PTPRN2: variants seen among roughly 807,000 people sequenced by gnomAD.
PTPRN2 encodes the protein protein tyrosine phosphatase receptor type N2.
A neutral mutation model predicts 118.8 loss-of-function variants in PTPRN2; 74 were observed. That is an observed-to-expected ratio of 0.62 (90% CI 0.52 to 0.76). The LOEUF (loss-of-function observed/expected upper bound fraction) is 0.76. Among genes scored for constraint, PTPRN2 ranks in the 30% least tolerant of loss-of-function variants. PTPRN2 has a pLI of 0.00. For synonymous variants in PTPRN2, 641 were observed against 608.0 expected (o/e 1.05, Z -0.80); for missense variants, 1,481 against 1,394.4 (o/e 1.06, Z -0.99).
intron 13 of PTPRN2, 94 bp downstream of exon 13, chr7:157,682,631 G>A: frequency 7.9e-7 from 1 of 1,271,046 alleles, no homozygotes; most frequent in South Asian, 1.2e-5. Context: ...AGGAACAACT[G>A]CTGGGAATGG....
rs551528956 is a variant in PTPRN2, at chr7:158,398,583, TG to T, written c.164-81652del. Among the ~76,000 whole-genome samples the T allele has an allele frequency of 1.7e-3, 263 of 152,392 alleles. 1 individual carries two copies. Among genetic ancestry groups the T allele is most frequent in the African/African-American group, 6.1e-3 (255 of 41,594 alleles). On this transcript the variant is annotated intron_variant, in intron 2 of 22. Transcript: ENST00000389418. ...TTTTAGGGTTTATTTTTAAACATCA[TG>T]CTTGCACATAGTTTGAAAAATCTAA...
intron 21 of PTPRN2, among the ~76,000 whole-genome samples, chr7:157,564,173 C>T (rs1457206340): frequency 6.6e-6 from 1 of 152,148 alleles, no homozygotes; most frequent in Non-Finnish European, 1.5e-5. Context: ...TTCTTGTTGC[C>T]CAGGCTGGAG....
chr7:158,216,512 A>G (rs1395524344), intron 3 of PTPRN2, among the ~76,000 whole-genome samples: 1 of 152,140 alleles, frequency 6.6e-6, no homozygotes, highest in African/African-American at 2.4e-5. Context: ...AAGTAAAAAT[A>G]TTTTTAAAAA....
At chr7:158,564,379 G>A (rs1021506698) in intron 1 of PTPRN2, among the ~76,000 whole-genome samples, 1 of 152,250 alleles carries the variant, frequency 6.6e-6, no homozygotes, top group African/African-American at 2.4e-5. Context: ...TACATTTTGT[G>A]ATGGATACAG....
intron 2 of PTPRN2, among the ~76,000 whole-genome samples, chr7:158,341,156 C>G (rs1297040027): frequency 7.0e-6 from 1 of 142,756 alleles, no homozygotes; most frequent in African/African-American, 2.9e-5. Context: ...TAAGAGCTGA[C>G]GCCCGCAGAC....
intron 12 of PTPRN2, among the ~76,000 whole-genome samples, chr7:157,810,588 A>G (rs34676866): frequency 0.33 from 20,476 of 61,402 alleles, 2,994 homozygotes; most frequent in African/African-American, 0.52. Flanking sequence ...CCATGGGGAC[A>G]GGGACGGGGA....
chr7:157,797,803 C>G (rs573784668), intron 12 of PTPRN2, among the ~76,000 whole-genome samples: 11 of 152,310 alleles, frequency 7.2e-5, no homozygotes, highest in African/African-American at 2.6e-4. Context: ...TTCTTTGGAG[C>G]CTGAATCTTT....
rs574587175 is a variant in PTPRN2 at position 158,579,054 on chromosome 7, C to T, written c.112+8504G>A. On this transcript the variant is annotated intron_variant, in intron 1 of 22. Transcript: ENST00000389418. ...CTGGGATTACAGGCGTGAGCCACTG[C>T]GCCTGGCCAAGTCCCACTTCTTTTA... Among the ~76,000 whole-genome samples, 539 of 152,260 alleles carry T rather than the reference C, an allele frequency of 3.5e-3. 4 individuals carry two copies. Among genetic ancestry groups the T allele is most frequent in the African/African-American group, 8.1e-3 (337 of 41,544 alleles).
At chr7:158,549,056 C>T (rs1357428615) in intron 1 of PTPRN2, among the ~76,000 whole-genome samples, 3 of 152,126 alleles carry the variant, frequency 2.0e-5, no homozygotes, top group African/African-American at 7.2e-5. Context: ...CCAGGGGGGC[C>T]GAGGGAGCAG....
chr7:158,130,850 C>G (rs900117015), intron 9 of PTPRN2, among the ~76,000 whole-genome samples: 2 of 149,112 alleles, frequency 1.3e-5, no homozygotes, highest in Non-Finnish European at 3.0e-5. Flanking sequence ...ACACATCTAC[C>G]CAACACACAC....
chr7:157,887,820 G>A (rs1163197404), intron 12 of PTPRN2, among the ~76,000 whole-genome samples: 68 of 62,930 alleles, frequency 1.1e-3, no homozygotes, highest in African/African-American at 4.0e-3. Flanking sequence ...CCCAGTACCC[G>A]CTTCACCCAG....
At position 157,598,734 on chromosome 7, in the gene PTPRN2, G is replaced by A. The variant is rs1801496290; in HGVS notation, c.2419-3419C>T. ...CAGGCGGTCTGCGGCCCGTGAACAC[G>A]CGTCCATGCTGTCCTCAGTGAACCA... On this transcript the variant is annotated intron_variant, in intron 16 of 22. Transcript: ENST00000389418. This position sits in a 1 kb window ranked among gnomAD's most constrained non-coding sequence, Gnocchi z 5.2. Among the ~76,000 whole-genome samples the A allele has an allele frequency of 6.6e-6, 1 of 152,208 alleles. No homozygotes were observed. Among genetic ancestry groups the A allele is most frequent in the South Asian group, 2.1e-4 (1 of 4,830 alleles).
At chr7:157,838,331 C>G (rs1344317501) in intron 12 of PTPRN2, among the ~76,000 whole-genome samples, 241 of 119,630 alleles carry the variant, frequency 2.0e-3, no homozygotes, top group Middle Eastern at 0.013. Flanking sequence ...CTCCGCCGTG[C>G]CTACTCCAGT....
chr7:158,409,856 A>G (rs1813897340), intron 2 of PTPRN2, among the ~76,000 whole-genome samples: 1 of 152,218 alleles, frequency 6.6e-6, no homozygotes, highest in Admixed American at 6.5e-5. Context: ...AGATGTGTTG[A>G]CGTCGCCTCT....
intron 9 of PTPRN2, among the ~76,000 whole-genome samples, chr7:158,124,232 C>T (rs114220465): frequency 0.041 from 6,251 of 152,356 alleles, 173 homozygotes; most frequent in Non-Finnish European, 0.062. Flanking sequence ...CCAATGCCAA[C>T]GGTCCCCACT....
chr7:157,959,574 A>T (rs1255019990), intron 11 of PTPRN2, among the ~76,000 whole-genome samples: 1 of 152,200 alleles, frequency 6.6e-6, no homozygotes. Context: ...ATGGAGAGTG[A>T]GCCCATGGTG....
At chr7:158,020,341 G>A (rs768959072) in intron 11 of PTPRN2, among the ~76,000 whole-genome samples, 6 of 152,218 alleles carry the variant, frequency 3.9e-5, no homozygotes, top group South Asian at 2.1e-4. Flanking sequence ...TACAGTGAGT[G>A]GGCTTTGCCT....
intron 6 of PTPRN2, among the ~76,000 whole-genome samples, chr7:158,145,573 C>T (rs555162413): frequency 4.6e-4 from 70 of 152,320 alleles, no homozygotes; most frequent in African/African-American, 1.6e-3. Flanking sequence ...GCAGAAAGGC[C>T]ATCAGGCACG....
intron 11 of PTPRN2, among the ~76,000 whole-genome samples, chr7:157,928,673 C>A (rs1799170813): frequency 8.8e-6 from 1 of 113,888 alleles, no homozygotes; most frequent in Admixed American, 1.3e-4. Flanking sequence ...CAAGTTCCGA[C>A]TATGAAGAGA....
Sources: gnomAD v4.1 joint callset for allele counts (sites outside exome capture counted in the v4.1 genomes callset) on GRCh38, gnomAD v4.1.1 for gene constraint, Gnocchi (gnomAD v3.1) non-coding constraint, MANE v1.5 for transcripts, NCBI Gene and HGNC (gene_info 2026-07-23, HGNC 2026-07-21) for gene names.